KCNMA1: variants seen among roughly 807,000 people sequenced by gnomAD.
The protein encoded by KCNMA1 is Calcium-activated potassium channel subunit alpha-1.
Under a neutral mutation model 140.0 loss-of-function variants are expected in KCNMA1, and 29 were observed. That is an observed-to-expected ratio of 0.21 (90% CI 0.15 to 0.28). KCNMA1 has a LOEUF of 0.28. KCNMA1 is among the 10% of genes least tolerant of loss of function. KCNMA1 has a pLI of 1.00. For missense variants in KCNMA1, 880 were observed against 1,602.2 expected (o/e 0.55, Z 7.70); for synonymous variants, 612 against 611.9 (o/e 1.00, Z 0.00).
chr10:77,355,713 T>C (rs1297898726), intron 2 of KCNMA1, among the ~76,000 whole-genome samples: 1 of 152,238 alleles, frequency 6.6e-6, no homozygotes, highest in African/African-American at 2.4e-5. Context: ...CCTAATTCTG[T>C]GCTTTTCAAT....
At chr10:77,360,750 C>T (rs1315041736) in intron 2 of KCNMA1, among the ~76,000 whole-genome samples, 1 of 152,212 alleles carries the variant, frequency 6.6e-6, no homozygotes, top group Non-Finnish European at 1.5e-5. Flanking sequence ...AATCTCCTTT[C>T]CTACCTGGCC....
intron 1 of KCNMA1, among the ~76,000 whole-genome samples, chr10:77,571,136 T>A (rs1192768239): frequency 6.6e-6 from 1 of 152,194 alleles, no homozygotes; most frequent in Non-Finnish European, 1.5e-5. Flanking sequence ...CCTCATTTGT[T>A]TCAAACATTT....
intron 1 of KCNMA1, among the ~76,000 whole-genome samples, chr10:77,631,751 A>G (rs2093235056): frequency 6.6e-6 from 1 of 152,200 alleles, no homozygotes; most frequent in Non-Finnish European, 1.5e-5. Flanking sequence ...GAGAAGGTCC[A>G]TTTGGACTTA....
intron 23 of KCNMA1, among the ~76,000 whole-genome samples, chr10:76,943,249 T>C (rs909131236): frequency 1.3e-5 from 2 of 152,208 alleles, no homozygotes; most frequent in Non-Finnish European, 2.9e-5. Context: ...TCAGAGCCTC[T>C]CCTAGGCCTT....
At chr10:77,107,934 T>A (rs954544140) in intron 9 of KCNMA1, among the ~76,000 whole-genome samples, 4 of 152,116 alleles carry the variant, frequency 2.6e-5, no homozygotes, top group African/African-American at 9.7e-5. Context: ...CAAACCACCA[T>A]AGGAGGGCAT....
chr10:77,027,674 C>T (rs1340036495), intron 16 of KCNMA1, 149 bp downstream of exon 16: 2 of 756,322 alleles, frequency 2.6e-6, no homozygotes, highest in Non-Finnish European at 4.7e-6. Flanking sequence ...TGGGGCATGC[C>T]TCGAAATGTG....
At chr10:77,185,447 A>G (rs76064633) in intron 3 of KCNMA1, among the ~76,000 whole-genome samples, 8,782 of 152,122 alleles carry the variant, frequency 0.058, 301 homozygotes, top group South Asian at 0.084. Flanking sequence ...GCATCTCAAG[A>G]AAGCTAGAGA....
rs117228698 is a variant in KCNMA1 at position 77,321,823 on chromosome 10, A to G, written c.541-70567T>C. On this transcript the variant is annotated intron_variant, in intron 2 of 27. Coordinates refer to ENST00000286628, the MANE Select transcript of KCNMA1 (RefSeq NM_001161352.2). ...TACTGCAGCTTGAAAGGGTTCCTAG[A>G]AAGTTCTAGTTCCATTCAGTTTTTA... is the stretch of plus-strand genomic sequence containing the variant. 3.2e-3 allele frequency among the ~76,000 whole-genome samples: 482 copies of G among 152,312 alleles called. 1 individual carries two copies. Among genetic ancestry groups the G allele is most frequent in the Non-Finnish European group, 5.7e-3 (385 of 68,032 alleles).
At chr10:77,506,778 T>G in intron 1 of KCNMA1, among the ~76,000 whole-genome samples, 2 of 111,024 alleles carry the variant, frequency 1.8e-5, no homozygotes, top group African/African-American at 3.8e-5. Flanking sequence ...GAGAGAGCTT[T>G]GAAATATGAA....
chr10:77,399,677 T>C (rs1319376066), intron 2 of KCNMA1, among the ~76,000 whole-genome samples: 1 of 152,192 alleles, frequency 6.6e-6, no homozygotes, highest in African/African-American at 2.4e-5. Context: ...GCGTTGACTA[T>C]AAAAAGCACT....
intron 1 of KCNMA1, among the ~76,000 whole-genome samples, chr10:77,448,273 G>A (rs565988450): frequency 2.6e-5 from 4 of 152,180 alleles, no homozygotes; most frequent in East Asian, 1.9e-4. Flanking sequence ...TGATTCCATC[G>A]GCTCCAAATT....
chr10:77,311,956 C>G (rs376963088), intron 2 of KCNMA1, among the ~76,000 whole-genome samples: 25 of 152,366 alleles, frequency 1.6e-4, no homozygotes, highest in African/African-American at 6.0e-4. Context: ...GACAGGTGAG[C>G]CAGAATGTCA....
At chr10:77,515,546 C>T (rs1278716253) in intron 1 of KCNMA1, among the ~76,000 whole-genome samples, 1 of 152,142 alleles carries the variant, frequency 6.6e-6, no homozygotes, top group Admixed American at 6.5e-5. Flanking sequence ...GGCTGCCTCT[C>T]AGACACACAG....
intron 6 of KCNMA1, among the ~76,000 whole-genome samples, chr10:77,115,709 T>A (rs763502794): frequency 2.0e-5 from 3 of 152,176 alleles, no homozygotes; most frequent in Non-Finnish European, 4.4e-5. Flanking sequence ...TACAGTGATA[T>A]TAGTAGTGCG....
At chr10:77,175,072 AAC>A (rs1255602369) in intron 5 of KCNMA1, among the ~76,000 whole-genome samples, 1 of 152,098 alleles carries the variant, frequency 6.6e-6, no homozygotes, top group Non-Finnish European at 1.5e-5. Context: ...TGCTTGTTAA[AAC>A]ACAGACTGCT....
At chr10:77,522,392 C>T (rs1249999451) in intron 1 of KCNMA1, among the ~76,000 whole-genome samples, 2 of 152,142 alleles carry the variant, frequency 1.3e-5, no homozygotes, top group Non-Finnish European at 2.9e-5. Context: ...AAATGTTTTG[C>T]CTTTTCATTT....
chr10:76,962,615 C>T (rs1378361445), intron 20 of KCNMA1, among the ~76,000 whole-genome samples: 2 of 152,286 alleles, frequency 1.3e-5, no homozygotes, highest in East Asian at 1.9e-4. Flanking sequence ...TCCTGAACAG[C>T]CAGAGAGACT....
intron 2 of KCNMA1, among the ~76,000 whole-genome samples, chr10:77,307,555 T>C (rs909276216): frequency 1.3e-5 from 2 of 152,180 alleles, no homozygotes; most frequent in Non-Finnish European, 2.9e-5. Flanking sequence ...GGCTAAGCCA[T>C]GATGTTCAGT....
chr10:77,637,134 AAGGCGGCGAGGGGAAGGC>A, intron 1 of KCNMA1, 113 bp downstream of exon 1: 2 of 1,257,504 alleles, frequency 1.6e-6, no homozygotes, highest in Non-Finnish European at 2.1e-6. Context: ...GAGGGAAGGG[AAGGCGGCGAGGGGAAGGC>A]AGGCGGGGAT....
Sources: allele counts gnomAD v4.1 joint callset (sites outside exome capture counted in the v4.1 genomes callset), GRCh38; gene constraint gnomAD v4.1.1; transcripts MANE v1.5; gene names NCBI Gene and HGNC (gene_info 2026-07-23, HGNC 2026-07-21).